Variants in MAN2A1 observed in about 807,000 individuals in gnomAD.
MAN2A1 encodes mannosidase alpha class 2A member 1, also known as alpha-mannosidase 2.
In MAN2A1, 76 loss-of-function variants were observed where a neutral mutation model predicts 142.6. The ratio of observed to expected loss-of-function variants is 0.53; its 90% confidence interval spans 0.44 to 0.65. MAN2A1 has a LOEUF of 0.65. Ranked by LOEUF, MAN2A1 falls within the 30% of genes least tolerant of loss-of-function variation. MAN2A1 has a pLI of 0.00. For synonymous variants in MAN2A1, 559 were observed against 473.2 expected (o/e 1.18, Z -2.35); for missense variants, 1,311 against 1,365.1 (o/e 0.96, Z 0.62).
intron 20 of MAN2A1, among the ~76,000 whole-genome samples, chr5:109,858,481 C>G (rs1755679517): frequency 1.3e-5 from 2 of 152,162 alleles, no homozygotes; most frequent in South Asian, 4.1e-4. Flanking sequence ...AGTACAGAAG[C>G]CAGACCTAAG....
intron 12 of MAN2A1, among the ~76,000 whole-genome samples, chr5:109,791,136 A>G (rs1753727718): frequency 6.6e-6 from 1 of 152,050 alleles, no homozygotes; most frequent in Admixed American, 6.6e-5. Context: ...AATAGTTTTT[A>G]TTTAAATAGT....
rs767748381 is a variant in MAN2A1 at position 109,817,458 on chromosome 5, C to G, written c.2109+20C>G. ...TATGAGGTATGTTGTAGCCATAGAA[C>G]TTAAGGAGGCATTGTAAAACAAACC... On this transcript the variant is annotated intron_variant, in intron 13 of 21. Coordinates refer to ENST00000261483, the MANE Select transcript of MAN2A1 (RefSeq NM_002372.4). 1 of 1,611,712 alleles carries G rather than the reference C, an allele frequency of 6.2e-7. No individual in the cohort carries two copies. The highest frequency in any genetic ancestry group is 1.7e-5 in the Admixed American group (1 of 59,906).
At chr5:109,766,401 G>T (rs1752990893) in intron 5 of MAN2A1, among the ~76,000 whole-genome samples, 1 of 152,048 alleles carries the variant, frequency 6.6e-6, no homozygotes, top group Non-Finnish European at 1.5e-5. Context: ...AATCTTATGT[G>T]GTCAGTTCTT....
intron 12 of MAN2A1, among the ~76,000 whole-genome samples, chr5:109,789,981 G>C (rs1325493881): frequency 6.6e-6 from 1 of 151,828 alleles, no homozygotes; most frequent in Non-Finnish European, 1.5e-5. Context: ...TGGTGAAACA[G>C]CCTTGTTTTA....
intron 4 of MAN2A1, among the ~76,000 whole-genome samples, chr5:109,741,881 T>C (rs989140598): frequency 3.9e-5 from 6 of 152,230 alleles, no homozygotes; most frequent in Non-Finnish European, 8.8e-5. Context: ...GTAATACATA[T>C]CCAGTGGATT....
At chr5:109,814,709 T>G (rs1395912985) in intron 12 of MAN2A1, among the ~76,000 whole-genome samples, 2 of 152,142 alleles carry the variant, frequency 1.3e-5, no homozygotes, top group Admixed American at 1.3e-4. Flanking sequence ...AGTTCATAGC[T>G]TATTATAAAA....
chr5:109,845,890 A>C lies in MAN2A1; in HGVS notation c.2726A>C (p.Lys909Thr). 6.2e-7 allele frequency: 1 copy of C among 1,613,526 alleles called. No homozygotes were observed. The highest frequency in any genetic ancestry group is 8.5e-7 in the Non-Finnish European group (1 of 1,179,668). The change falls in exon 18 of 22, where the codon AAA becomes ACA. Residue 909 changes from lysine (K) to threonine (T), a missense_variant. Lys to Thr is a moderately conservative substitution (Grantham distance 78). Around this residue, in one of 3 missense-constraint regions of MAN2A1, gnomAD observed 890 missense variants for 920.5 expected, o/e 0.97. Transcript: ENST00000261483. ...ATTCAACCTAGAATGACACTGAGCA[A>C]ATTGCCTCTTCAAGCAAATGTCTAT... is the stretch of plus-strand genomic sequence containing the variant. ...YQIQPRMTLS[K>T]LPLQANVYPM... is the part of the protein sequence containing the mutation.
chr5:109,691,309 C>T (rs1458067579), intron 1 of MAN2A1, among the ~76,000 whole-genome samples: 2 of 152,206 alleles, frequency 1.3e-5, no homozygotes, highest in African/African-American at 4.8e-5. Flanking sequence ...CGGACACAGT[C>T]TGTTCCCTTT....
intron 12 of MAN2A1, among the ~76,000 whole-genome samples, chr5:109,797,529 G>A (rs551255352): frequency 6.6e-6 from 1 of 152,128 alleles, no homozygotes; most frequent in South Asian, 2.1e-4. Flanking sequence ...GTAGACAAAA[G>A]GAAGACAAAT....
intron 12 of MAN2A1, among the ~76,000 whole-genome samples, chr5:109,808,844 C>T (rs1041911678): frequency 6.6e-6 from 1 of 151,820 alleles, no homozygotes; most frequent in African/African-American, 2.4e-5. Flanking sequence ...GCTGGGACTA[C>T]ACACACGCAC....
At chr5:109,828,013 G>A (rs111367662) in intron 16 of MAN2A1, among the ~76,000 whole-genome samples, 2,828 of 151,818 alleles carry the variant, frequency 0.019, 34 homozygotes, top group Middle Eastern at 0.071. Flanking sequence ...ACTGAGGCAG[G>A]AGAATCGCTT....
chr5:109,831,841 A>T (rs1580298118), intron 16 of MAN2A1, among the ~76,000 whole-genome samples: 1 of 151,724 alleles, frequency 6.6e-6, no homozygotes, highest in African/African-American at 2.4e-5. Flanking sequence ...GTATTTATGT[A>T]TACAGTTTTA....
intron 12 of MAN2A1, among the ~76,000 whole-genome samples, chr5:109,807,006 T>C (rs1754182467): frequency 6.6e-6 from 1 of 152,246 alleles, no homozygotes; most frequent in South Asian, 2.1e-4. Flanking sequence ...TTCTAATTTT[T>C]ATTGCTGAAA....
chr5:109,796,675 T>C (rs1160943710), intron 12 of MAN2A1, among the ~76,000 whole-genome samples: 1 of 152,222 alleles, frequency 6.6e-6, no homozygotes, highest in African/African-American at 2.4e-5. Flanking sequence ...TGTGATATTC[T>C]TTGTTGAAGA....
rs1489377113 is a variant in MAN2A1, at chr5:109,699,746, G to A, written c.135+9194G>A. The A allele has an allele frequency of 1.9e-5, 3 of 159,560 alleles. No individual in the cohort carries two copies. In the Admixed American group the frequency reaches 2.0e-4, roughly 10 times the overall value. 9.9% of individuals were successfully genotyped at this position (159,560 alleles called of 1,614,324 possible). On this transcript the variant is annotated intron_variant, in intron 1 of 21. Transcript: ENST00000261483. ...TCACATAGAGTGGTGAGGGAGGAAGGGGACACCCGCCTAGCCAGCCAGATC... is the reference window on the plus strand; with the variant it reads ...TCACATAGAGTGGTGAGGGAGGAAGAGGACACCCGCCTAGCCAGCCAGATC...
At chr5:109,866,713 C>G (rs2112452449) in intron 21 of MAN2A1, 133 bp from the exon 22 acceptor site, 1 of 557,766 alleles carries the variant, frequency 1.8e-6, no homozygotes, top group Non-Finnish European at 3.2e-6. Flanking sequence ...ATTTAATCCA[C>G]CCTTTTTTCC....
At chr5:109,736,172 T>G (rs1752092272) in intron 4 of MAN2A1, among the ~76,000 whole-genome samples, 1 of 152,100 alleles carries the variant, frequency 6.6e-6, no homozygotes, top group Admixed American at 6.6e-5. Flanking sequence ...TATGCACACA[T>G]ATGCATGCAT....
intron 4 of MAN2A1, among the ~76,000 whole-genome samples, chr5:109,752,937 T>C (rs1440246152): frequency 1.3e-5 from 2 of 152,198 alleles, no homozygotes; most frequent in African/African-American, 2.4e-5. Context: ...TTGAAGACCA[T>C]TGATGCCTGT....
intron 2 of MAN2A1, among the ~76,000 whole-genome samples, chr5:109,714,086 T>G (rs1223605467): frequency 2.6e-5 from 4 of 152,150 alleles, no homozygotes; most frequent in South Asian, 4.1e-4. Context: ...CCAGAGATTT[T>G]TTTTTACCTT....
Sources: gnomAD v4.1 joint callset for allele counts (sites outside exome capture counted in the v4.1 genomes callset) on GRCh38, gnomAD v4.1.1 for gene constraint, gnomAD v4.1.1 regional missense constraint, MANE v1.5 for transcripts, NCBI Gene and HGNC (gene_info 2026-07-23, HGNC 2026-07-21) for gene names.